The following HMMR variants were observed in gnomAD, a reference collection of about 807,000 sequenced individuals.
The protein encoded by HMMR is hyaluronan mediated motility receptor, also known as intracellular hyaluronic acid-binding protein.
Under a neutral mutation model 101.0 loss-of-function variants are expected in HMMR, and 108 were observed. That is an observed-to-expected ratio of 1.07 (90% CI 0.92 to 1.25). The LOEUF is 1.25. Ranked by LOEUF, HMMR falls within the 50% of genes most tolerant of loss-of-function variation. The pLI, the probability that HMMR is intolerant of heterozygous loss-of-function variation, is 0.00. For missense variants in HMMR, 813 were observed against 788.7 expected, an observed-to-expected ratio of 1.03 and a Z score of -0.37; for synonymous variants, 296 against 276.4, an observed-to-expected ratio of 1.07 and a Z score of -0.70.
At chr5:163,484,891 C>T (rs1759421234) in intron 16 of HMMR, among the ~76,000 whole-genome samples, 2 of 152,112 alleles carry the variant, frequency 1.3e-5, no homozygotes, top group Non-Finnish European at 2.9e-5. Context: ...TTACTGGCTT[C>T]TTTCAGTCAA....
At chr5:163,477,977 C>T (rs1759123692) in intron 11 of HMMR, among the ~76,000 whole-genome samples, 1 of 152,128 alleles carries the variant, frequency 6.6e-6, no homozygotes, top group Non-Finnish European at 1.5e-5. Flanking sequence ...TTTCTTATCT[C>T]AGTGTCCAAC....
chr5:163,463,942 AAAC>A lies in HMMR; in HGVS notation c.139_141del (p.Gln47del), dbSNP rs758820243. 2 of 1,276,470 alleles carry A rather than the reference AAAC, an allele frequency of 1.6e-6. No individual in the cohort carries two copies. The highest frequency in any genetic ancestry group is 2.1e-6 in the Non-Finnish European group (2 of 931,856). The allele number at this position is 1,276,470 out of a possible 1,614,324, so 79.1% of individuals were successfully genotyped here. On this transcript the variant is annotated inframe_deletion, in exon 2 of 18. Transcript: ENST00000393915. ...ATCCTTTCAGAAATCACAAAGATTT[AAAC>A]AACAAAAAGGTAATATAGATCACCA...
intron 9 of HMMR, among the ~76,000 whole-genome samples, chr5:163,473,811 A>C (rs1758979047): frequency 6.6e-6 from 1 of 152,044 alleles, no homozygotes; most frequent in African/African-American, 2.4e-5. Flanking sequence ...CAGTCATATA[A>C]TTCTTGACTT....
chr5:163,475,247 G>GA (rs1202781437), intron 10 of HMMR, among the ~76,000 whole-genome samples: 2 of 151,896 alleles, frequency 1.3e-5, no homozygotes, highest in African/African-American at 2.4e-5. Flanking sequence ...GCGTTGCATA[G>GA]AAAAAAGCCT....
At chr5:163,462,384 C>A (rs71597999) in intron 1 of HMMR, among the ~76,000 whole-genome samples, 3,830 of 150,470 alleles carry the variant, frequency 0.025, 76 homozygotes, top group Non-Finnish European at 0.033. Flanking sequence ...AGCAAAAAAA[C>A]CCCCAAAATT....
intron 3 of HMMR, 49 bp from the exon 4 acceptor site, chr5:163,467,652 T>C: frequency 9.4e-7 from 1 of 1,059,476 alleles, no homozygotes; most frequent in Middle Eastern, 2.3e-4. Flanking sequence ...TTGGCTGTCA[T>C]ATCTGTGACA....
intron 3 of HMMR, 80 bp downstream of exon 3, chr5:163,464,882 G>A (rs972533567): frequency 5.8e-6 from 5 of 858,456 alleles, no homozygotes; most frequent in Non-Finnish European, 9.7e-6. Flanking sequence ...GATTAGAATG[G>A]GTTAAGTGTA....
intron 1 of HMMR, among the ~76,000 whole-genome samples, chr5:163,462,038 T>A (rs561130215): frequency 6.6e-6 from 1 of 152,176 alleles, no homozygotes; most frequent in African/African-American, 2.4e-5. Flanking sequence ...AAAATACAAC[T>A]ACTCACAAAG....
chr5:163,462,895 G>A (rs569621058), intron 1 of HMMR, among the ~76,000 whole-genome samples: 1 of 151,072 alleles, frequency 6.6e-6, no homozygotes, highest in Admixed American at 6.6e-5. Context: ...TTAGGGGACA[G>A]CAGTAGTTGC....
chr5:163,465,734 G>A (rs540031747), intron 3 of HMMR, among the ~76,000 whole-genome samples: 3 of 152,244 alleles, frequency 2.0e-5, no homozygotes, highest in Admixed American at 2.0e-4. Flanking sequence ...AAGGCAGGTG[G>A]ATCACTTGAG....
At chr5:163,468,661 G>T (rs945206754) in intron 4 of HMMR, among the ~76,000 whole-genome samples, 1 of 152,008 alleles carries the variant, frequency 6.6e-6, no homozygotes, top group African/African-American at 2.4e-5. Flanking sequence ...TTTTACTGAG[G>T]GTACATGTAG....
Position 163,478,713 on chromosome 5 carries a change from C to G in HMMR, c.1298C>G (p.Ala433Gly). The G allele has an allele frequency of 6.2e-7, 1 of 1,612,594 alleles. No homozygotes were observed. Among genetic ancestry groups the G allele is most frequent in the East Asian group, 2.2e-5 (1 of 44,852 alleles). ...GAGGCTGAACTGGAGAAAAGTAGTGCTGCTCATACCCAGGCCACCCTGCTT... is the reference window on the plus strand; with the variant it reads ...GAGGCTGAACTGGAGAAAAGTAGTGGTGCTCATACCCAGGCCACCCTGCTT... ...GKEAELEKSS[A>G]AHTQATLLLQ... Residue 433 changes from alanine to glycine, a missense_variant, in exon 12 of 18, where the codon GCT (alanine) becomes GGT (glycine). Coordinates refer to ENST00000393915, the MANE Select transcript of HMMR (RefSeq NM_001142556.2).
chr5:163,484,598 A>G (rs1443663405), intron 16 of HMMR, among the ~76,000 whole-genome samples: 1 of 152,192 alleles, frequency 6.6e-6, no homozygotes, highest in Non-Finnish European at 1.5e-5. Context: ...TAACATATGT[A>G]TTGAGATATA....
chr5:163,481,462 A>T (rs1320150798), intron 12 of HMMR, among the ~76,000 whole-genome samples: 10 of 151,976 alleles, frequency 6.6e-5, no homozygotes, highest in Admixed American at 3.9e-4. Context: ...ATCAAACCAG[A>T]CCTTTCTTTA....
chr5:163,486,734 C>T (rs925893841), intron 16 of HMMR, among the ~76,000 whole-genome samples: 2 of 152,198 alleles, frequency 1.3e-5, no homozygotes, highest in African/African-American at 4.8e-5. Flanking sequence ...CAGTCTTTCT[C>T]CATGATATAT....
rs539454454 is a variant in HMMR, at chr5:163,481,065, A to G, written c.1386-1577A>G. ...TTAAAATTTCACTTTCCATTTTTCC[A>G]CCTAGAACTGATTTCTGTGTGTGTA... is the stretch of plus-strand genomic sequence containing the variant. On this transcript the variant is annotated intron_variant, in intron 12 of 17. Transcript: ENST00000393915. 2.0e-5 allele frequency among the ~76,000 whole-genome samples: 3 copies of G among 152,042 alleles called. No homozygotes were observed. In the South Asian group the frequency reaches 6.2e-4, roughly 32 times the overall value.
intron 1 of HMMR, among the ~76,000 whole-genome samples, chr5:163,461,475 G>A (rs1293203227): frequency 6.6e-6 from 1 of 152,138 alleles, no homozygotes; most frequent in African/African-American, 2.4e-5. Context: ...AGCCTTAGCT[G>A]TGTTTGGTAG....
At chr5:163,471,159 A>T (rs367552010) in intron 5 of HMMR, 26 bp from the exon 6 acceptor site, 17 of 1,403,700 alleles carry the variant, frequency 1.2e-5, no homozygotes, top group African/African-American at 4.3e-5. Context: ...ATATTTCTGA[A>T]TTTTTTACGT....
chr5:163,467,374 A>C (rs1311743647), intron 3 of HMMR, among the ~76,000 whole-genome samples: 1 of 152,204 alleles, frequency 6.6e-6, no homozygotes. Context: ...AGATAGCATA[A>C]TTAAATATTC....
Sources: allele counts gnomAD v4.1 joint callset (sites outside exome capture counted in the v4.1 genomes callset), GRCh38; gene constraint gnomAD v4.1.1; transcripts MANE v1.5; gene names NCBI Gene and HGNC (gene_info 2026-07-23, HGNC 2026-07-21).